The following BPIFB1 variants were observed in gnomAD, a reference collection of about 807,000 sequenced individuals.
BPIFB1 encodes the protein BPI fold-containing family B member 1.
Under a neutral mutation model 55.1 loss-of-function variants are expected in BPIFB1, and 34 were observed. The observed-to-expected ratio is 0.62, with a 90% CI of 0.47 to 0.82. The LOEUF (loss-of-function observed/expected upper bound fraction) is 0.82. Ranked by LOEUF, BPIFB1 falls within the 40% of genes least tolerant of loss-of-function variation. The probability of loss-of-function intolerance (pLI) is 0.00; values close to 1 mark genes in which losing one functional copy is unlikely to be tolerated. For missense variants in BPIFB1, 532 were observed against 593.1 expected (o/e 0.90, Z 1.07); for synonymous variants, 236 against 245.3 (o/e 0.96, Z 0.35).
chr20:33,290,867 G>C, intron 4 of BPIFB1, 90 bp from the exon 5 acceptor site: 1 of 1,416,562 alleles, frequency 7.1e-7, no homozygotes, highest in Non-Finnish European at 9.7e-7. Flanking sequence ...TGAGGAAGGA[G>C]GTGAGGGCTG....
chr20:33,294,887 G>A (rs906531916), intron 6 of BPIFB1, among the ~76,000 whole-genome samples: 1 of 152,182 alleles, frequency 6.6e-6, no homozygotes, highest in Non-Finnish European at 1.5e-5. Flanking sequence ...GGCATAGCAC[G>A]TTTAAGAGGT....
chr20:33,302,848 C>A, intron 10 of BPIFB1, 68 bp from the exon 11 acceptor site: 1 of 1,578,708 alleles, frequency 6.3e-7, no homozygotes, highest in Non-Finnish European at 8.7e-7. Context: ...AGGGGCCAGG[C>A]CACACACAGA....
intron 6 of BPIFB1, 50 bp from the exon 7 acceptor site, chr20:33,297,475 G>T: frequency 1.2e-6 from 2 of 1,601,646 alleles, no homozygotes; most frequent in African/African-American, 2.7e-5. Flanking sequence ...CTGCTGTGGG[G>T]CTGCATTCTG....
At chr20:33,306,514 A>G (rs938393538) in intron 14 of BPIFB1, 2 of 312,888 alleles carry the variant, frequency 6.4e-6, no homozygotes, top group South Asian at 9.9e-5. Flanking sequence ...TCAGTGCCCA[A>G]CACTCTAATT....
chr20:33,289,390 A>C lies in BPIFB1; in HGVS notation c.258-495A>C, dbSNP rs367715128. ...GAGTGAGATTCTGTCTCAAAAAAAAAAAAACAAAAAAAAAAAAACAACCCA... is the reference window on the plus strand; with the variant it reads ...GAGTGAGATTCTGTCTCAAAAAAAACAAAACAAAAAAAAAAAAACAACCCA... On this transcript the variant is annotated intron_variant, in intron 3 of 15. Transcript: ENST00000253354. Among the ~76,000 whole-genome samples the C allele has an allele frequency of 4.0e-3, 558 of 140,420 alleles. 1 individual carries two copies. The highest frequency in any genetic ancestry group is 0.014 in the African/African-American group (444 of 31,580). The allele number at this position is 140,420 out of a possible 152,430, so 92.1% of individuals were successfully genotyped here.
chr20:33,297,925 A>G (rs1267702525), intron 7 of BPIFB1, among the ~76,000 whole-genome samples: 2 of 152,216 alleles, frequency 1.3e-5, no homozygotes, highest in Non-Finnish European at 2.9e-5. Context: ...GGGCTTAACC[A>G]TCCCTACAAC....
At position 33,302,533 on chromosome 20, in the gene BPIFB1, T is replaced by C; in HGVS notation, c.981+121T>C. ...CCAGCACTGGGACACTCAAACCGCA[T>C]CCCTGTCCGCACAGAGATTTCAGTC... On this transcript the variant is annotated intron_variant, in intron 10 of 15. Transcript: ENST00000253354. 2.8e-6 allele frequency: 3 copies of C among 1,088,418 alleles called. No homozygotes were observed. The South Asian group carries it at 3.9e-5, about 14-fold the overall frequency. The allele number at this position is 1,088,418 out of a possible 1,614,324, so 67.4% of individuals were successfully genotyped here.
Position 33,306,906 on chromosome 20 carries a change from T to A in BPIFB1, c.1319-5T>A. 1 of 1,613,382 alleles carries A rather than the reference T, an allele frequency of 6.2e-7. No homozygotes were observed. The highest frequency in any genetic ancestry group is 8.5e-7 in the Non-Finnish European group (1 of 1,179,264). On this transcript the variant is annotated splice_region_variant and splice_polypyrimidine_tract_variant and intron_variant, in intron 14 of 15. Transcript: ENST00000253354. ...ATCAGTTTCTGACCACATTTGTTAT[T>A]TCAGGCAAATTAAGATCTGGGGTCC...
At chr20:33,292,841 A>G (rs752578723) in intron 6 of BPIFB1, among the ~76,000 whole-genome samples, 2 of 152,260 alleles carry the variant, frequency 1.3e-5, no homozygotes, top group Non-Finnish European at 2.9e-5. Flanking sequence ...GTTCGTAACA[A>G]TGGGCCACCC....
intron 6 of BPIFB1, among the ~76,000 whole-genome samples, chr20:33,292,740 A>G (rs998012519): frequency 2.0e-5 from 3 of 152,184 alleles, no homozygotes; most frequent in African/African-American, 7.2e-5. Flanking sequence ...CTCTCATTTT[A>G]GTTGCCCCTA....
chr20:33,303,846 AG>A, intron 11 of BPIFB1, 111 bp from the exon 12 acceptor site: 1 of 1,063,256 alleles, frequency 9.4e-7, no homozygotes, highest in South Asian at 1.3e-5. Context: ...CCCTTTGCCA[AG>A]GTCCCAGAGC....
At chr20:33,292,031 C>T (rs749786438) in intron 6 of BPIFB1, 43 bp downstream of exon 6, 5 of 1,574,892 alleles carry the variant, frequency 3.2e-6, no homozygotes, top group Admixed American at 1.7e-5. Context: ...GCATTGCGCC[C>T]CCTGTGGGGC....
intron 11 of BPIFB1, among the ~76,000 whole-genome samples, chr20:33,303,472 G>A (rs1980920597): frequency 6.6e-6 from 1 of 152,052 alleles, no homozygotes; most frequent in Admixed American, 6.6e-5. Context: ...TCATGGTAGT[G>A]CCCCAGGCTG....
At chr20:33,296,907 A>T (rs538399281) in intron 6 of BPIFB1, among the ~76,000 whole-genome samples, 1 of 152,320 alleles carries the variant, frequency 6.6e-6, no homozygotes, top group South Asian at 2.1e-4. Context: ...TGTATGAATA[A>T]ACAAATTCTC....
At chr20:33,300,211 C>T (rs1980802721) in intron 8 of BPIFB1, among the ~76,000 whole-genome samples, 1 of 151,970 alleles carries the variant, frequency 6.6e-6, no homozygotes, top group Admixed American at 6.6e-5. Flanking sequence ...CATGGGGGGG[C>T]CCGAGTGGGG....
intron 2 of BPIFB1, among the ~76,000 whole-genome samples, chr20:33,287,064 G>A (rs1980294109): frequency 6.6e-6 from 1 of 152,226 alleles, no homozygotes. Context: ...TGTAGCCAGC[G>A]GATGGATTCC....
chr20:33,290,296 G>A (rs2146527325), intron 4 of BPIFB1, among the ~76,000 whole-genome samples: 1 of 152,324 alleles, frequency 6.6e-6, no homozygotes, highest in South Asian at 2.1e-4. Context: ...GGAGGATTCT[G>A]AGCAGAGGAG....
intron 6 of BPIFB1, among the ~76,000 whole-genome samples, chr20:33,294,966 G>A (rs1378091609): frequency 6.6e-6 from 1 of 152,174 alleles, no homozygotes; most frequent in Non-Finnish European, 1.5e-5. Context: ...TGTAATCCCA[G>A]CACTTCGGGA....
At chr20:33,288,933 C>A (rs1274880591) in intron 3 of BPIFB1, 51 bp downstream of exon 3, 1 of 1,570,580 alleles carries the variant, frequency 6.4e-7, no homozygotes, top group Admixed American at 1.7e-5. Flanking sequence ...ACACCTTTGC[C>A]CGGGACACGC....
Sources: gnomAD v4.1 joint callset for allele counts (sites outside exome capture counted in the v4.1 genomes callset) on GRCh38, gnomAD v4.1.1 for gene constraint, MANE v1.5 for transcripts, NCBI Gene and HGNC (gene_info 2026-07-23, HGNC 2026-07-21) for gene names.